ZNF787: variants seen among roughly 807,000 people sequenced by gnomAD.
ZNF787 encodes TTF-I-interacting peptide 20.
In ZNF787, 7 loss-of-function variants were observed where a neutral mutation model predicts 16.9. The ratio of observed to expected loss-of-function variants is 0.42; its 90% CI spans 0.24 to 0.78. The LOEUF (loss-of-function observed/expected upper bound fraction) is 0.78, where lower values mean the gene tolerates loss of function less well. Ranked by LOEUF, ZNF787 falls within the 30% of genes least tolerant of loss-of-function variation. The pLI is 0.30. For missense variants in ZNF787, 551 were observed against 589.3 expected (o/e 0.94, Z 0.67); for synonymous variants, 345 against 270.9 (o/e 1.27, Z -2.69).
intron 1 of ZNF787, among the ~76,000 whole-genome samples, chr19:56,109,713 A>G (rs1225407443): frequency 5.9e-5 from 9 of 151,906 alleles, no homozygotes; most frequent in Non-Finnish European, 8.8e-5. Flanking sequence ...GTGAAACCCC[A>G]TCTCTACTAA....
At chr19:56,116,484 G>C (rs1161117863) in intron 1 of ZNF787, among the ~76,000 whole-genome samples, 4 of 152,082 alleles carry the variant, frequency 2.6e-5, no homozygotes, top group African/African-American at 9.7e-5. Context: ...TCACCACTCA[G>C]GTGGCTGAGG....
intron 2 of ZNF787, among the ~76,000 whole-genome samples, chr19:56,100,749 T>TGA (rs1986061430): frequency 8.6e-6 from 1 of 116,660 alleles, no homozygotes; most frequent in Non-Finnish European, 1.7e-5. Context: ...CACCCCCACC[T>TGA]ACGATGTCTG....
chr19:56,089,122 G>C, intron 2 of ZNF787, 30 bp from the exon 3 acceptor site: 18 of 1,409,924 alleles, frequency 1.3e-5, no homozygotes, highest in South Asian at 1.6e-5. Context: ...GGGGAGGTGA[G>C]TCAAGAGAGG....
chr19:56,096,245 TAA>T (rs869231999), intron 2 of ZNF787, among the ~76,000 whole-genome samples: 2,120 of 132,550 alleles, frequency 0.016, 62 homozygotes, highest in African/African-American at 0.057. Flanking sequence ...ATAAAAAAAA[TAA>T]AAAAATAAAA....
At chr19:56,120,962 C>G (rs968472144) in intron 1 of ZNF787, among the ~76,000 whole-genome samples, 11 of 141,130 alleles carry the variant, frequency 7.8e-5, no homozygotes, top group Non-Finnish European at 1.6e-4. Flanking sequence ...CGCGTCCCCT[C>G]CCACAGCTCT....
At chr19:56,114,439 G>T in intron 1 of ZNF787, among the ~76,000 whole-genome samples, 1 of 142,736 alleles carries the variant, frequency 7.0e-6, no homozygotes, top group Non-Finnish European at 1.5e-5. Flanking sequence ...CTGAGGGGCC[G>T]GGCTCAGTCC....
At chr19:56,112,322 G>T (rs1404384981) in intron 1 of ZNF787, among the ~76,000 whole-genome samples, 2 of 152,140 alleles carry the variant, frequency 1.3e-5, no homozygotes, top group Non-Finnish European at 2.9e-5. Context: ...CCGTTTCTCA[G>T]TCGGGGTCTC....
chr19:56,107,195 C>G (rs1211862139), intron 1 of ZNF787, among the ~76,000 whole-genome samples: 1 of 152,118 alleles, frequency 6.6e-6, no homozygotes, highest in Non-Finnish European at 1.5e-5. Flanking sequence ...CCCCATTATG[C>G]AGATGAGGAA....
At chr19:56,117,544 C>T (rs1394513476) in intron 1 of ZNF787, among the ~76,000 whole-genome samples, 1 of 152,252 alleles carries the variant, frequency 6.6e-6, no homozygotes, top group East Asian at 1.9e-4. Flanking sequence ...TGTCACAGAG[C>T]CACAACGTAG....
chr19:56,090,531 T>C (rs1204179026), intron 2 of ZNF787, among the ~76,000 whole-genome samples: 1 of 152,064 alleles, frequency 6.6e-6, no homozygotes, highest in African/African-American at 2.4e-5. Flanking sequence ...ATTAAAAACA[T>C]TTATGCACTG....
chr19:56,108,179 G>A (rs963844008), intron 1 of ZNF787, among the ~76,000 whole-genome samples: 1 of 151,976 alleles, frequency 6.6e-6, no homozygotes, highest in African/African-American at 2.4e-5. Context: ...GGCACTGAAG[G>A]CAGCCCTGCC....
chr19:56,089,002 G>C lies in ZNF787; in HGVS notation c.170C>G (p.Pro57Arg). The C allele has an allele frequency of 6.7e-7, 1 of 1,493,808 alleles. No individual in the cohort carries two copies. Among genetic ancestry groups the C allele is most frequent in the Non-Finnish European group, 8.9e-7 (1 of 1,124,496 alleles). The allele number at this position is 1,493,808 out of a possible 1,614,324, so 92.5% of individuals were successfully genotyped here. A position where few individuals can be genotyped will look rare whatever the true frequency, so the allele number is the denominator to read the frequency against. Residue 57 changes from proline to arginine, a missense_variant, in exon 3 of 3, where the codon CCT (proline) becomes CGT (arginine). Pro to Arg is a moderately radical substitution (Grantham distance 103, BLOSUM62 -2). Around this residue, in one of 4 missense-constraint regions of ZNF787, gnomAD observed 80 missense variants for 105.9 expected, o/e 0.76. Coordinates refer to ENST00000610935, the MANE Select transcript of ZNF787 (RefSeq NM_001002836.4). The stretch of plus-strand genomic sequence containing the variant: ...GGGGGCGGGCGGCCGCGGCCGGGGA[G>C]GCGGGCCGGCTGGGGGCGCAGACTG... ...PPQSAPPAGPPPRPRPPAPYI... is the reference protein window; with the variant it reads ...PPQSAPPAGPRPRPRPPAPYI...
chr19:56,102,702 T>G lies in ZNF787; in HGVS notation c.79+437A>C, dbSNP rs377183915. The G allele has an allele frequency of 3.2e-4, 180 of 555,948 alleles. 1 individual carries two copies. Among genetic ancestry groups the G allele is most frequent in the African/African-American group, 3.1e-3 (164 of 52,992 alleles). 34.4% of individuals were successfully genotyped at this position (555,948 alleles called of 1,614,324 possible). ...TTTCCCTGAAAAGTCGGCATCAGCCTGCGGGTTCCCTGCGCTCCTGGGCCA... is the reference window on the plus strand; with the variant it reads ...TTTCCCTGAAAAGTCGGCATCAGCCGGCGGGTTCCCTGCGCTCCTGGGCCA... On this transcript the variant is annotated intron_variant, in intron 2 of 2. Transcript: ENST00000610935.
chr19:56,111,133 G>A (rs1451225139), intron 1 of ZNF787, among the ~76,000 whole-genome samples: 4 of 152,232 alleles, frequency 2.6e-5, no homozygotes, highest in Non-Finnish European at 4.4e-5. Context: ...GCCCACTGCA[G>A]AGAGTCTGCT....
At chr19:56,100,125 G>C (rs1362924777) in intron 2 of ZNF787, among the ~76,000 whole-genome samples, 3 of 152,134 alleles carry the variant, frequency 2.0e-5, no homozygotes, top group Non-Finnish European at 4.4e-5. Context: ...GCTGAGGAAG[G>C]GTCCGGGGTG....
Position 56,091,939 on chromosome 19 carries a change from G to A in ZNF787, c.80-2847C>T, listed in dbSNP as rs1370567751. On this transcript the variant is annotated intron_variant, in intron 2 of 2. Transcript: ENST00000610935. ...AGCCGCAGCCGAAGCCGAAGCCGAA[G>A]CCAAAGCCAAAGCCGAAACCGAAAC... Among the ~76,000 whole-genome samples the A allele has an allele frequency of 7.9e-4, 93 of 117,602 alleles. 1 individual carries two copies. The highest frequency in any genetic ancestry group is 8.4e-3 in the Middle Eastern group (2 of 238). The allele number at this position is 117,602 out of a possible 152,430, so 77.2% of individuals were successfully genotyped here. A position where few individuals can be genotyped will look rare whatever the true frequency, so the allele number is the denominator to read the frequency against.
chr19:56,097,248 G>A (rs999357008), intron 2 of ZNF787, among the ~76,000 whole-genome samples: 15 of 152,188 alleles, frequency 9.9e-5, no homozygotes, highest in Admixed American at 6.5e-4. Context: ...ATGAAGTGCC[G>A]GCCATTATTC....
At position 56,087,853 on chromosome 19, in the gene ZNF787, G is replaced by A. The variant is rs955479021; in HGVS notation, c.*170C>T. ...CGGAGAAGTGAACGGGCCCTAATAC[G>A]CCCCAGTGCCCCCCCACGGACGGCG... On this transcript the variant is annotated 3_prime_UTR_variant, in exon 3 of 3. Transcript: ENST00000610935. 3.6e-5 allele frequency: 40 copies of A among 1,099,988 alleles called. No homozygotes were observed. The highest frequency in any genetic ancestry group is 7.4e-5 in the East Asian group (2 of 27,050). The allele number at this position is 1,099,988 out of a possible 1,614,324, so 68.1% of individuals were successfully genotyped here.
chr19:56,089,580 C>T (rs1985493429), intron 2 of ZNF787, among the ~76,000 whole-genome samples: 1 of 152,132 alleles, frequency 6.6e-6, no homozygotes, highest in Non-Finnish European at 1.5e-5. Flanking sequence ...GAAGACGTGC[C>T]CGCCAGGGAG....
Sources: gnomAD v4.1 joint callset for allele counts (sites outside exome capture counted in the v4.1 genomes callset) on GRCh38, gnomAD v4.1.1 for gene constraint, gnomAD v4.1.1 regional missense constraint, MANE v1.5 for transcripts, NCBI Gene and HGNC (gene_info 2026-07-23, HGNC 2026-07-21) for gene names.